The following CELF2 variants were observed in gnomAD, a reference collection of about 807,000 sequenced individuals.
The protein encoded by CELF2 is CUG triplet repeat RNA-binding protein 2.
A neutral mutation model predicts 62.6 loss-of-function variants in CELF2; 8 were observed. The ratio of observed to expected loss-of-function variants is 0.13; its 90% CI spans 0.07 to 0.23. The LOEUF (loss-of-function observed/expected upper bound fraction) is 0.23, where lower values mean the gene tolerates loss of function less well. Ranked by LOEUF, CELF2 falls within the 10% of genes least tolerant of loss-of-function variation. CELF2 has a pLI of 1.00. For missense variants in CELF2, 333 were observed against 671.0 expected (o/e 0.50, Z 5.56); for synonymous variants, 258 against 250.0 (o/e 1.03, Z -0.30).
At chr10:10,580,963 A>G in the CELF2 span, among the ~76,000 whole-genome samples, 3 of 152,230 alleles carry the variant, frequency 2.0e-5, no homozygotes, top group Non-Finnish European at 4.4e-5. Context: ...TTTCTTGTCC[A>G]TGAAAAGGTT....
At chr10:10,758,163 G>C in the CELF2 span, among the ~76,000 whole-genome samples, 1 of 152,188 alleles carries the variant, frequency 6.6e-6, no homozygotes, top group African/African-American at 2.4e-5. Flanking sequence ...GTAAACTACA[G>C]CTCTAGATAT....
At chr10:10,502,215 G>GTT in the CELF2 span, among the ~76,000 whole-genome samples, 2 of 151,486 alleles carry the variant, frequency 1.3e-5, no homozygotes, top group Non-Finnish European at 3.0e-5. Flanking sequence ...TTGATTTGCA[G>GTT]TTTTTTTCTG....
the CELF2 span, among the ~76,000 whole-genome samples, chr10:10,627,545 C>T: frequency 6.6e-6 from 1 of 152,214 alleles, no homozygotes; most frequent in African/African-American, 2.4e-5. Context: ...GACACTGAAG[C>T]TCTTTCACAG....
Position 11,159,953 on chromosome 10 carries a change from G to A in CELF2, c.75-5533G>A, listed in dbSNP as rs975291054. ...ATACCTGGCAAGAGATGGGGCTCTC[G>A]CAGCACCCCAATTAACCGGCCACTC... On this transcript the variant is annotated intron_variant, in intron 1 of 12. Transcript: ENST00000633077. This position sits in a 1 kb window ranked among gnomAD's most constrained non-coding sequence, Gnocchi z 5.0. Among the ~76,000 whole-genome samples the A allele has an allele frequency of 2.6e-5, 4 of 152,116 alleles. No individual in the cohort carries two copies. The highest frequency in any genetic ancestry group is 7.2e-5 in the African/African-American group (3 of 41,418).
chr10:11,003,912 C>T (rs1156242036), upstream of CELF2, among the ~76,000 whole-genome samples: 1 of 152,126 alleles, frequency 6.6e-6, no homozygotes, highest in Non-Finnish European at 1.5e-5. This position sits in a 1 kb window ranked among gnomAD's most constrained non-coding sequence, Gnocchi z 4.4. Flanking sequence ...TCAAGTGACT[C>T]ATCACGCCTT....
At chr10:10,735,943 T>C in the CELF2 span, among the ~76,000 whole-genome samples, 7 of 152,308 alleles carry the variant, frequency 4.6e-5, no homozygotes, top group African/African-American at 1.4e-4. Context: ...ACACTCAATA[T>C]ACAGCCAGTG....
Position 11,012,240 on chromosome 10 carries a change from T to C in CELF2, c.53+6800T>C, listed in dbSNP as rs918161456. 1.3e-5 allele frequency among the ~76,000 whole-genome samples: 2 copies of C among 152,244 alleles called. No homozygotes were observed. The highest frequency in any genetic ancestry group is 2.9e-5 in the Non-Finnish European group (2 of 68,040). Reference sequence around the variant, plus strand: ...AGTGCTTGCCCTAAAGATTCTGATCTGCATGTACTGGATCAGATATCTTCT... The same window carrying C: ...AGTGCTTGCCCTAAAGATTCTGATCCGCATGTACTGGATCAGATATCTTCT... On this transcript the variant is annotated intron_variant, in intron 1 of 12. Coordinates refer to the CELF2 transcript ENST00000416382. This position sits in a 1 kb window ranked among gnomAD's most constrained non-coding sequence, Gnocchi z 5.5.
intron 1 of CELF2, among the ~76,000 whole-genome samples, chr10:11,122,567 T>G (rs1017922147): frequency 2.6e-5 from 4 of 152,188 alleles, no homozygotes; most frequent in Non-Finnish European, 5.9e-5. Context: ...AAGTAAGCCC[T>G]TCATAGAGCG....
At chr10:11,291,664 T>G (rs1402250013) in intron 9 of CELF2, among the ~76,000 whole-genome samples, 2 of 152,178 alleles carry the variant, frequency 1.3e-5, no homozygotes, top group East Asian at 1.9e-4. Context: ...ATTTTACCTG[T>G]GTTTACCCCA....
the CELF2 span, among the ~76,000 whole-genome samples, chr10:10,592,110 T>A: frequency 6.6e-6 from 1 of 152,184 alleles, no homozygotes; most frequent in Non-Finnish European, 1.5e-5. Flanking sequence ...CCGGTAATTA[T>A]AACTAGCGTA....
the CELF2 span, among the ~76,000 whole-genome samples, chr10:10,491,459 T>G: frequency 1.3e-5 from 2 of 152,216 alleles, no homozygotes; most frequent in African/African-American, 4.8e-5. Context: ...ATCTTCATTC[T>G]AATTGTTCTT....
intron 1 of CELF2, among the ~76,000 whole-genome samples, chr10:11,130,659 CAGTT>C (rs1315044903): frequency 5.3e-5 from 8 of 152,134 alleles, no homozygotes; most frequent in African/African-American, 1.9e-4. Context: ...TTATTACCGA[CAGTT>C]AGTAATGTTG....
chr10:11,157,703 G>GAAAGAAAAGGACTC lies in CELF2; in HGVS notation c.75-7781_75-7768dup, dbSNP rs1304274705. 9.9e-5 allele frequency among the ~76,000 whole-genome samples: 15 copies of GAAAGAAAAGGACTC among 152,210 alleles called. No individual in the cohort carries two copies. The highest frequency in any genetic ancestry group is 3.4e-4 in the African/African-American group (14 of 41,448). On this transcript the variant is annotated intron_variant, in intron 1 of 12. Transcript: ENST00000633077. The surrounding 1 kb of genome is among the most constrained non-coding windows in gnomAD (Gnocchi z 4.9). Reference sequence around the variant, plus strand: ...ATATTCAGTAACTGAGAATGAGAAGGAAAGAAAAGGACTCAGGGTAAACCT... The same window carrying GAAAGAAAAGGACTC: ...ATATTCAGTAACTGAGAATGAGAAGGAAAGAAAAGGACTCAAAGAAAAGGACTCAGGGTAAACCT...
chr10:11,170,247 G>C (rs1346958639), intron 2 of CELF2, among the ~76,000 whole-genome samples: 3 of 152,182 alleles, frequency 2.0e-5, no homozygotes, highest in Admixed American at 6.5e-5. Context: ...TTGAGACAGA[G>C]GGGCATTCAG....
Position 11,260,380 on chromosome 10 carries a change from C to T in CELF2, c.538+2508C>T, listed in dbSNP as rs2080133820. ...GTGGGGACAGTAATGAACAGGATTG[C>T]CGCCTGCAGCGTTCAGAGCTCCTTG... On this transcript the variant is annotated intron_variant, in intron 5 of 12. Transcript: ENST00000633077. The surrounding 1 kb of genome is among the most constrained non-coding windows in gnomAD (Gnocchi z 4.2). Among the ~76,000 whole-genome samples, 1 of 152,204 alleles carries T rather than the reference C, an allele frequency of 6.6e-6. No individual in the cohort carries two copies.
intron 2 of CELF2, among the ~76,000 whole-genome samples, chr10:11,193,696 T>C (rs2134639313): frequency 6.6e-6 from 1 of 152,274 alleles, no homozygotes; most frequent in East Asian, 1.9e-4. Flanking sequence ...CAATATAGGT[T>C]TCGTAGTGAG....
the CELF2 span, among the ~76,000 whole-genome samples, chr10:10,491,003 C>G: frequency 4.2e-4 from 64 of 152,194 alleles, no homozygotes; most frequent in Admixed American, 2.0e-3. Context: ...TTATTGTTTC[C>G]CAGTGACTAT....
At chr10:10,859,654 C>T (rs988206354) in intron 1 of CELF2, among the ~76,000 whole-genome samples, 13 of 152,014 alleles carry the variant, frequency 8.6e-5, no homozygotes, top group African/African-American at 2.9e-4. Context: ...AGTTTTGATT[C>T]AAAGAGTTTC....
chr10:10,963,081 C>G (rs1292263720), intron 2 of CELF2, among the ~76,000 whole-genome samples: 3 of 151,852 alleles, frequency 2.0e-5, no homozygotes, highest in Admixed American at 6.6e-5. Context: ...TGCTCTGTTG[C>G]CCAGGCTGGA....
Sources: gnomAD v4.1 joint callset for allele counts (sites outside exome capture counted in the v4.1 genomes callset) on GRCh38, gnomAD v4.1.1 for gene constraint, Gnocchi (gnomAD v3.1) non-coding constraint, MANE v1.5 for transcripts, NCBI Gene and HGNC (gene_info 2026-07-23, HGNC 2026-07-21) for gene names.